PEAK1: variants seen among roughly 807,000 people sequenced by gnomAD.
The protein encoded by PEAK1 is pseudopodium enriched atypical kinase 1, also known as inactive tyrosine-protein kinase PEAK1.
In PEAK1, 54 loss-of-function variants were observed where a neutral mutation model predicts 124.7. The ratio of observed to expected loss-of-function variants is 0.43; its 90% confidence interval spans 0.35 to 0.54. The LOEUF (loss-of-function observed/expected upper bound fraction) is 0.54. PEAK1 is among the 20% of genes least tolerant of loss of function. The pLI, the probability that PEAK1 is intolerant of heterozygous loss-of-function variation, is 0.01. For missense variants in PEAK1, 2,046 were observed against 2,134.5 expected (o/e 0.96, Z 0.82); for synonymous variants, 719 against 760.0 (o/e 0.95, Z 0.89).
In PEAK1 at chr15:77,158,665, A is replaced by C. The variant is rs1056293428; in HGVS notation, c.3169T>G (p.Ser1057Ala). Residue 1057 changes from serine (S) to alanine (A), a missense_variant, in exon 8 of 10, where the codon TCT (serine) becomes GCT (alanine). Coordinates refer to ENST00000682557, the MANE Select transcript of PEAK1 (RefSeq NM_001385026.1). Reference sequence around the variant, plus strand: ...ACAACAGTTCTTGGATCCCGAGGAGAAAAATCCTCTGTTACTTCATGGGTC... The same window carrying C: ...ACAACAGTTCTTGGATCCCGAGGAGCAAAATCCTCTGTTACTTCATGGGTC... ...HMTHEVTEDF[S>A]PRDPRTVVGK... The C allele has an allele frequency of 3.1e-6, 5 of 1,613,952 alleles. No homozygotes were observed. The African/African-American group carries it at 6.7e-5, about 22-fold the overall frequency.
At chr15:77,214,090 CT>C (rs1283834831) in intron 6 of PEAK1, among the ~76,000 whole-genome samples, 1 of 152,130 alleles carries the variant, frequency 6.6e-6, no homozygotes, top group Non-Finnish European at 1.5e-5. Context: ...ATACATTAAT[CT>C]TGTGTGTATC....
At chr15:77,417,455 G>T (rs984576942) in intron 1 of PEAK1, 3 of 930,590 alleles carry the variant, frequency 3.2e-6, no homozygotes, top group East Asian at 1.2e-4. Context: ...GGGGGGATGC[G>T]GGGCGGGGGG....
At chr15:77,349,709 C>G in intron 2 of PEAK1, 1 of 985,212 alleles carries the variant, frequency 1.0e-6, no homozygotes, top group Non-Finnish European at 1.2e-6. Flanking sequence ...GATTTTCAAG[C>G]TAACCCTTCT....
intron 6 of PEAK1, among the ~76,000 whole-genome samples, chr15:77,221,168 T>C (rs2059373283): frequency 6.6e-6 from 1 of 152,140 alleles, no homozygotes; most frequent in Admixed American, 6.6e-5. Flanking sequence ...TGGTTATACA[T>C]AAACTTTCCA....
intron 8 of PEAK1, among the ~76,000 whole-genome samples, chr15:77,138,021 C>G (rs2053477459): frequency 6.6e-6 from 1 of 152,162 alleles, no homozygotes; most frequent in African/African-American, 2.4e-5. Context: ...TCTGCATAAG[C>G]TCTCTCTTTG....
intron 2 of PEAK1, among the ~76,000 whole-genome samples, chr15:77,364,326 C>A (rs1016326087): frequency 6.6e-6 from 1 of 152,000 alleles, no homozygotes; most frequent in Non-Finnish European, 1.5e-5. Flanking sequence ...GAAATTATTT[C>A]TCAGTAAAGA....
chr15:77,334,665 C>T, intron 2 of PEAK1: 1 of 985,288 alleles, frequency 1.0e-6, no homozygotes, highest in African/African-American at 1.7e-5. Flanking sequence ...ACTTTTGGAT[C>T]AGCATCATTT....
At chr15:77,267,486 C>T (rs915197746) in intron 5 of PEAK1, among the ~76,000 whole-genome samples, 1 of 152,154 alleles carries the variant, frequency 6.6e-6, no homozygotes, top group Non-Finnish European at 1.5e-5. Flanking sequence ...TCCACCAGAG[C>T]AGGTGTTGGT....
chr15:77,389,111 C>T (rs28437977), intron 1 of PEAK1, among the ~76,000 whole-genome samples: 33,822 of 151,804 alleles, frequency 0.22, 4,198 homozygotes, highest in Middle Eastern at 0.3. Flanking sequence ...CATGCACCAA[C>T]TTTGGCTAAT....
chr15:77,179,963 T>G lies in PEAK1; in HGVS notation c.1964A>C (p.Glu655Ala). 1 of 1,614,154 alleles carries G rather than the reference T, an allele frequency of 6.2e-7. No individual in the cohort carries two copies. Among genetic ancestry groups the G allele is most frequent in the Non-Finnish European group, 8.5e-7 (1 of 1,179,992 alleles). The change falls in exon 7 of 10, where the codon GAA becomes GCA. Residue 655 changes from glutamate to alanine, a missense_variant. Glu to Ala is a moderately radical substitution (Grantham distance 107). Transcript: ENST00000682557. ...ATGGCTTATTACACTTGTGGTTTTT[T>G]CCTTCACTGAGAGTTCTCCACTTGT... is the stretch of plus-strand genomic sequence containing the variant. ...LGTSGELSVK[E>A]KTTSVISHTY...
chr15:77,348,641 T>C (rs2067015900), intron 2 of PEAK1: 2 of 984,940 alleles, frequency 2.0e-6, no homozygotes, highest in African/African-American at 1.7e-5. Context: ...ATACATTTTA[T>C]AGAGCACTTT....
chr15:77,331,775 G>A (rs1358269118), intron 2 of PEAK1, among the ~76,000 whole-genome samples: 6 of 151,716 alleles, frequency 4.0e-5, no homozygotes, highest in Non-Finnish European at 8.8e-5. Flanking sequence ...GTGCCACCGC[G>A]CCCAGCTAAT....
chr15:77,344,403 T>G (rs143574570), intron 2 of PEAK1, among the ~76,000 whole-genome samples: 407 of 152,316 alleles, frequency 2.7e-3, no homozygotes, highest in Middle Eastern at 0.017. Context: ...CGGCTGTCTG[T>G]TTTATTCCAC....
chr15:77,317,599 G>T (rs1311661722), intron 2 of PEAK1, among the ~76,000 whole-genome samples: 1 of 152,148 alleles, frequency 6.6e-6, no homozygotes, highest in Non-Finnish European at 1.5e-5. Context: ...TGTTCCCAGA[G>T]CTGGTTAAAA....
At chr15:77,231,360 T>C (rs1423253609) in intron 6 of PEAK1, among the ~76,000 whole-genome samples, 6 of 152,340 alleles carry the variant, frequency 3.9e-5, no homozygotes, top group East Asian at 1.9e-4. Context: ...GAATCTCTAC[T>C]GGTTTAACCT....
At chr15:77,314,595 C>G (rs1156904366) in intron 2 of PEAK1, among the ~76,000 whole-genome samples, 1 of 151,996 alleles carries the variant, frequency 6.6e-6, no homozygotes, top group Non-Finnish European at 1.5e-5. Flanking sequence ...GTCTCGAACT[C>G]CTGACTTCAT....
chr15:77,350,130 G>C (rs1256879239), intron 2 of PEAK1: 1 of 985,282 alleles, frequency 1.0e-6, no homozygotes, highest in African/African-American at 1.7e-5. Context: ...AAGCCACTTC[G>C]AAAGATGTGA....
intron 2 of PEAK1, chr15:77,333,453 A>C: frequency 1.6e-5 from 15 of 935,652 alleles, no homozygotes; most frequent in Non-Finnish European, 1.7e-5. Flanking sequence ...CTTTTCTCTA[A>C]CAACTATATA....
chr15:77,297,557 T>G (rs2063546697), intron 2 of PEAK1, among the ~76,000 whole-genome samples: 1 of 151,556 alleles, frequency 6.6e-6, no homozygotes, highest in South Asian at 2.1e-4. Context: ...CTCTTTAAAA[T>G]CTGTAAGCAT....
Sources: gnomAD v4.1 joint callset for allele counts (sites outside exome capture counted in the v4.1 genomes callset) on GRCh38, gnomAD v4.1.1 for gene constraint, MANE v1.5 for transcripts, NCBI Gene and HGNC (gene_info 2026-07-23, HGNC 2026-07-21) for gene names.